Variants in SUMO3 observed in about 807,000 individuals in gnomAD.
SUMO3 encodes the protein small ubiquitin like modifier 3.
A neutral mutation model predicts 11.1 loss-of-function variants in SUMO3; 2 were observed. The observed-to-expected ratio is 0.18, with a 90% CI of 0.07 to 0.57. SUMO3 has a LOEUF of 0.57. SUMO3 is among the 20% of genes least tolerant of loss of function. The pLI is 0.92. For synonymous variants in SUMO3, 56 were observed against 53.5 expected, an observed-to-expected ratio of 1.05 and a Z score of -0.20; for missense variants, 70 against 132.8, an observed-to-expected ratio of 0.53 and a Z score of 2.32.
rs1351464774 is a variant in SUMO3 at position 44,811,674 on chromosome 21, A to AG, written c.150+2301dup. 6.6e-6 allele frequency among the ~76,000 whole-genome samples: 1 copy of AG among 152,224 alleles called. No individual in the cohort carries two copies. Among genetic ancestry groups the AG allele is most frequent in the African/African-American group, 2.4e-5 (1 of 41,464 alleles). ...TCATGACAGAGATGAGAATGTCCACAGGAAGTGGAAAGATAAAGTTGAAAT... is the reference window on the plus strand; with the variant it reads ...TCATGACAGAGATGAGAATGTCCACAGGGAAGTGGAAAGATAAAGTTGAAAT... On this transcript the variant is annotated intron_variant, in intron 2 of 3. Transcript: ENST00000332859. The surrounding 1 kb of genome is among the most constrained non-coding windows in gnomAD (Gnocchi z 5.0).
intron 2 of SUMO3, among the ~76,000 whole-genome samples, chr21:44,812,053 C>T (rs10658457): frequency 3.2e-4 from 26 of 80,992 alleles, no homozygotes; most frequent in Non-Finnish European, 4.4e-4. Flanking sequence ...AACTTCTCAC[C>T]TTTTTTTTTT....
intron 1 of SUMO3, among the ~76,000 whole-genome samples, chr21:44,816,554 G>T (rs1303195109): frequency 1.3e-5 from 2 of 152,244 alleles, no homozygotes; most frequent in African/African-American, 2.4e-5. Flanking sequence ...ATCAGAGACA[G>T]CCTCTTTACA....
intron 1 of SUMO3, among the ~76,000 whole-genome samples, chr21:44,817,669 G>T (rs1263916192): frequency 6.6e-6 from 1 of 151,222 alleles, no homozygotes; most frequent in Admixed American, 6.6e-5. Flanking sequence ...GGCGCTCAAG[G>T]AGGCGCTGGG....
rs1293144094 is a variant in SUMO3 at position 44,810,688 on chromosome 21, A to G, written c.151-1570T>C. On this transcript the variant is annotated intron_variant, in intron 2 of 3. Coordinates refer to ENST00000332859, the MANE Select transcript of SUMO3 (RefSeq NM_006936.3). This position sits in a 1 kb window ranked among gnomAD's most constrained non-coding sequence, Gnocchi z 4.1. ...CATCTGGGCGCCTCCAGAACCTGCA[A>G]TCCAGACAGATCACCCCATGTGGAT... 2.0e-5 allele frequency among the ~76,000 whole-genome samples: 3 copies of G among 152,022 alleles called. No homozygotes were observed. Among genetic ancestry groups the G allele is most frequent in the Non-Finnish European group, 2.9e-5 (2 of 68,022 alleles).
intron 3 of SUMO3, among the ~76,000 whole-genome samples, chr21:44,808,815 C>T (rs538939317): frequency 1.6e-4 from 24 of 152,286 alleles, no homozygotes; most frequent in African/African-American, 4.8e-4. Context: ...ACAGTGAGGA[C>T]GGGCCCAGCA....
chr21:44,815,807 G>A (rs748686313), intron 1 of SUMO3, among the ~76,000 whole-genome samples: 1 of 57,578 alleles, frequency 1.7e-5, no homozygotes, highest in African/African-American at 9.2e-5. Context: ...ACAGAATGAC[G>A]ATCTGTCCCA....
At chr21:44,813,648 G>A in intron 2 of SUMO3, 2 of 669,510 alleles carry the variant, frequency 3.0e-6, no homozygotes, top group East Asian at 2.8e-5. Flanking sequence ...CCTGAGCAGG[G>A]CCCCCAAGAG....
chr21:44,817,161 G>A (rs1239200319), intron 1 of SUMO3, among the ~76,000 whole-genome samples: 1 of 145,246 alleles, frequency 6.9e-6, no homozygotes, highest in Non-Finnish European at 1.5e-5. Flanking sequence ...TACACACCAT[G>A]GGGGGCGTGA....
At chr21:44,816,056 G>A (rs1459994853) in intron 1 of SUMO3, among the ~76,000 whole-genome samples, 1 of 152,154 alleles carries the variant, frequency 6.6e-6, no homozygotes, top group East Asian at 1.9e-4. Context: ...GCTCAGAGGG[G>A]ACCCACCAGA....
intron 1 of SUMO3, 146 bp from the exon 2 acceptor site, chr21:44,814,250 C>T (rs2083230873): frequency 1.8e-6 from 2 of 1,092,506 alleles, no homozygotes; most frequent in East Asian, 2.4e-5. Context: ...CAGAGTCACT[C>T]GTGATGGTTT....
chr21:44,815,509 C>T (rs1415445009), intron 1 of SUMO3, among the ~76,000 whole-genome samples: 1 of 152,204 alleles, frequency 6.6e-6, no homozygotes, highest in African/African-American at 2.4e-5. Context: ...CCCATCTCCC[C>T]ATCCCGAATG....
intron 2 of SUMO3, 121 bp from the exon 3 acceptor site, chr21:44,809,239 G>C: frequency 1.1e-6 from 1 of 930,400 alleles, no homozygotes; most frequent in Non-Finnish European, 1.7e-6. Context: ...AACATTTCCA[G>C]ATACGGCTTA....
At chr21:44,812,182 G>C (rs1381444751) in intron 2 of SUMO3, among the ~76,000 whole-genome samples, 1 of 146,594 alleles carries the variant, frequency 6.8e-6, no homozygotes, top group East Asian at 2.1e-4. Context: ...TCAGCCTCCT[G>C]AGTAGCTGGG....
chr21:44,815,228 G>A (rs2083236570), intron 1 of SUMO3, among the ~76,000 whole-genome samples: 2 of 152,310 alleles, frequency 1.3e-5, no homozygotes, highest in South Asian at 4.1e-4. Context: ...GGATGTAGAA[G>A]GCTCGCCTGA....
Position 44,810,960 on chromosome 21 carries a change from ACATGCACACC to A in SUMO3, c.151-1852_151-1843del, listed in dbSNP as rs1479559044. On this transcript the variant is annotated intron_variant, in intron 2 of 3. Coordinates refer to ENST00000332859, the MANE Select transcript of SUMO3 (RefSeq NM_006936.3). This position sits in a 1 kb window ranked among gnomAD's most constrained non-coding sequence, Gnocchi z 4.1. ...CACCCACACACATGCACACACCCACACATGCACACCCATGCACACACCCATGCACACACCC... is the reference window on the plus strand; with the variant it reads ...CACCCACACACATGCACACACCCACACATGCACACACCCATGCACACACCC... Among the ~76,000 whole-genome samples, 2 of 151,338 alleles carry A rather than the reference ACATGCACACC, an allele frequency of 1.3e-5. No homozygotes were observed. Among genetic ancestry groups the A allele is most frequent in the Non-Finnish European group, 3.0e-5 (2 of 67,790 alleles).
chr21:44,808,472 GC>G (rs2083191847), intron 3 of SUMO3: 1 of 1,434,960 alleles, frequency 7.0e-7, no homozygotes, highest in African/African-American at 1.5e-5. Context: ...CTGAGACTGC[GC>G]CACTGCATTC....
intron 1 of SUMO3, among the ~76,000 whole-genome samples, chr21:44,815,113 C>T (rs941454871): frequency 6.6e-6 from 1 of 152,212 alleles, no homozygotes; most frequent in Non-Finnish European, 1.5e-5. Flanking sequence ...GAGCTGCTGC[C>T]CTCAGGAAGC....
chr21:44,817,963 G>C lies in SUMO3; in HGVS notation c.6C>G (p.Ser2=), dbSNP rs1011146339. ...CCGCGCTTACCTTGGGCTTCTCCTC[G>C]GACATGGCTGCGCGAGCGGCGCGGG... M[S]EEKPKEGVKT... The change falls in exon 1 of 4, where the codon TCC becomes TCG. Residue 2 remains serine, a synonymous_variant. Transcript: ENST00000332859. 2 of 1,180,874 alleles carry C rather than the reference G, an allele frequency of 1.7e-6. No homozygotes were observed. Among genetic ancestry groups the C allele is most frequent in the Admixed American group, 4.6e-5 (1 of 21,880 alleles). 73.1% of individuals were successfully genotyped at this position (1,180,874 alleles called of 1,614,324 possible).
At chr21:44,816,931 G>T (rs1252350823) in intron 1 of SUMO3, among the ~76,000 whole-genome samples, 2 of 123,574 alleles carry the variant, frequency 1.6e-5, no homozygotes, top group African/African-American at 6.3e-5. Flanking sequence ...CATCGTGGAG[G>T]GGGTGATGGG....
Sources: gnomAD v4.1 joint callset for allele counts (sites outside exome capture counted in the v4.1 genomes callset) on GRCh38, gnomAD v4.1.1 for gene constraint, Gnocchi (gnomAD v3.1) non-coding constraint, MANE v1.5 for transcripts, NCBI Gene and HGNC (gene_info 2026-07-23, HGNC 2026-07-21) for gene names.